TUB: variants seen among roughly 807,000 people sequenced by gnomAD.
TUB encodes the protein TUB bipartite transcription factor.
Under a neutral mutation model 59.7 loss-of-function variants are expected in TUB, and 33 were observed. That is an observed-to-expected ratio of 0.55 (90% CI 0.42 to 0.74). The LOEUF (loss-of-function observed/expected upper bound fraction) is 0.74. TUB is among the 30% of genes least tolerant of loss of function. The pLI is 0.00. For missense variants in TUB, 659 were observed against 672.0 expected (o/e 0.98, Z 0.21); for synonymous variants, 293 against 256.4 (o/e 1.14, Z -1.36).
intron 3 of TUB, among the ~76,000 whole-genome samples, chr11:8,093,166 G>C (rs1027734948): frequency 6.6e-6 from 1 of 152,000 alleles, no homozygotes; most frequent in Non-Finnish European, 1.5e-5. Flanking sequence ...CTGCTCTGAC[G>C]AGGGAGGCAG....
intron 8 of TUB, among the ~76,000 whole-genome samples, chr11:8,098,293 G>A (rs886617499): frequency 6.6e-6 from 1 of 152,148 alleles, no homozygotes; most frequent in African/African-American, 2.4e-5. Context: ...CTGAGGAACT[G>A]AGTACCAGAT....
chr11:8,095,443 C>G, intron 4 of TUB, 55 bp from the exon 5 acceptor site: 1 of 1,546,802 alleles, frequency 6.5e-7, no homozygotes. Context: ...GTCTGAGAAT[C>G]CAGGCCCTCC....
intron 2 of TUB, chr11:8,039,846 G>T (rs1942717340): frequency 1.9e-6 from 1 of 514,624 alleles, no homozygotes; most frequent in Non-Finnish European, 3.2e-6. Context: ...AGGGGAGGGT[G>T]TGACCACTGG....
chr11:8,104,120 G>C lies in TUB; in HGVS notation c.*2501G>C, dbSNP rs1175653135. The C allele has an allele frequency of 1.3e-5, 2 of 152,274 alleles. No individual in the cohort carries two copies. The highest frequency in any genetic ancestry group is 4.8e-5 in the African/African-American group (2 of 41,462). 9.4% of individuals were successfully genotyped at this position (152,274 alleles called of 1,614,324 possible). A position where few individuals can be genotyped will look rare whatever the true frequency, so the allele number is the denominator to read the frequency against. ...GGTGCATGGACTCGTAAAGCTGCTA[G>C]GGCCCCTAGAAACCACCTGGGTTCA... On this transcript the variant is annotated 3_prime_UTR_variant, in exon 12 of 12. Transcript: ENST00000299506.
chr11:8,084,136 GGA>G (rs1382511539), intron 1 of TUB, among the ~76,000 whole-genome samples: 1 of 152,172 alleles, frequency 6.6e-6, no homozygotes, highest in Non-Finnish European at 1.5e-5. Context: ...ATTTGGTTTG[GGA>G]GAGAGGGGTT....
intron 1 of TUB, among the ~76,000 whole-genome samples, chr11:8,029,606 C>T (rs1212979809): frequency 6.6e-6 from 1 of 152,132 alleles, no homozygotes; most frequent in Non-Finnish European, 1.5e-5. Context: ...TCAGGCTGGT[C>T]TCAAACTCCT....
chr11:8,027,423 C>T (rs10769864), intron 1 of TUB, among the ~76,000 whole-genome samples: 151,502 of 152,370 alleles, frequency 0.99, 75,324 homozygotes, highest in Middle Eastern at 1. Flanking sequence ...AAGATTCATT[C>T]ATGTTGTAGC....
chr11:8,078,505 GC>G, upstream of TUB, among the ~76,000 whole-genome samples: 1 of 152,048 alleles, frequency 6.6e-6, no homozygotes. Flanking sequence ...TTCTGGAGTA[GC>G]TTTTTGATGG....
chr11:8,058,047 C>T (rs1293371993), intron 2 of TUB, among the ~76,000 whole-genome samples: 1 of 151,268 alleles, frequency 6.6e-6, no homozygotes, highest in African/African-American at 2.4e-5. Flanking sequence ...CCCATCTCTA[C>T]AAAAAAATAC....
chr11:8,038,739 C>T lies in TUB; in HGVS notation c.-135C>T, dbSNP rs1452969515. 5 of 1,499,906 alleles carry T rather than the reference C, an allele frequency of 3.3e-6. No individual in the cohort carries two copies. In the African/African-American group the frequency reaches 4.2e-5, roughly 13 times the overall value. 92.9% of individuals were successfully genotyped at this position (1,499,906 alleles called of 1,614,324 possible). A position where few individuals can be genotyped will look rare whatever the true frequency, so the allele number is the denominator to read the frequency against. Reference sequence around the variant, plus strand: ...TGGTGGTTGTTAGTCTGACTGTTGCCACGGTGATGAAGGGAGACATCCAAG... The same window carrying T: ...TGGTGGTTGTTAGTCTGACTGTTGCTACGGTGATGAAGGGAGACATCCAAG... On this transcript the variant is annotated 5_prime_UTR_variant, in exon 1 of 13. Coordinates refer to the TUB transcript ENST00000305253.
intron 1 of TUB, among the ~76,000 whole-genome samples, chr11:8,085,797 G>T (rs955270259): frequency 1.3e-5 from 2 of 152,376 alleles, no homozygotes; most frequent in Non-Finnish European, 2.9e-5. Context: ...TGAAGAGAGG[G>T]AGTTCGGAAA....
At chr11:8,056,349 C>T (rs1943021382) in intron 2 of TUB, among the ~76,000 whole-genome samples, 1 of 152,028 alleles carries the variant, frequency 6.6e-6, no homozygotes, top group Non-Finnish European at 1.5e-5. Flanking sequence ...GTGTGAGGGC[C>T]ATATGGGAAT....
At chr11:8,019,370 G>A in intron 1 of TUB, 2 of 1,250,668 alleles carry the variant, frequency 1.6e-6, no homozygotes, top group East Asian at 6.3e-5. Flanking sequence ...TAGGGCGCCC[G>A]AAGGGTGGCC....
chr11:8,082,631 AAC>A (rs1225177157), intron 1 of TUB, among the ~76,000 whole-genome samples: 1 of 152,176 alleles, frequency 6.6e-6, no homozygotes, highest in Non-Finnish European at 1.5e-5. Flanking sequence ...CCCGCCTTGT[AAC>A]ACAGCTTGCT....
intron 3 of TUB, among the ~76,000 whole-genome samples, chr11:8,091,163 T>G (rs779040080): frequency 7.9e-5 from 12 of 152,174 alleles, no homozygotes; most frequent in African/African-American, 1.2e-4. Context: ...CTTCTTCATC[T>G]AACTGCTGGC....
chr11:8,043,557 C>T (rs1399523278), intron 2 of TUB, among the ~76,000 whole-genome samples: 1 of 152,166 alleles, frequency 6.6e-6, no homozygotes, highest in South Asian at 2.1e-4. Context: ...TCCATAAATA[C>T]AGGATGTCTT....
intron 2 of TUB, among the ~76,000 whole-genome samples, chr11:8,048,308 G>A (rs920025969): frequency 6.6e-6 from 1 of 152,184 alleles, no homozygotes; most frequent in Non-Finnish European, 1.5e-5. Context: ...AAGACTTCAT[G>A]AATGAATGAA....
At chr11:8,035,391 G>T (rs1040290726), upstream of TUB, 2 of 152,280 alleles carry the variant, frequency 1.3e-5, no homozygotes, top group African/African-American at 4.8e-5. Flanking sequence ...CGCCTCAGGC[G>T]AGAGCTTTAT....
chr11:8,054,475 A>T (rs11041721), intron 2 of TUB, among the ~76,000 whole-genome samples: 2 of 151,866 alleles, frequency 1.3e-5, no homozygotes, highest in African/African-American at 2.4e-5. Context: ...AGACAGAGAG[A>T]GAGCACAAGT....
Sources: allele counts gnomAD v4.1 joint callset (sites outside exome capture counted in the v4.1 genomes callset), GRCh38; gene constraint gnomAD v4.1.1; transcripts MANE v1.5; gene names NCBI Gene and HGNC (gene_info 2026-07-23, HGNC 2026-07-21).